The following RSPH14 variants were observed in gnomAD, a reference collection of about 807,000 sequenced individuals.
RSPH14 encodes the protein radial spoke head 14 homolog, also known as rhabdoid tumor deletion region gene 1.
RSPH14 carries 20 observed loss-of-function variants against 26.7 expected under a neutral mutation model. That is an observed-to-expected ratio of 0.75 (90% CI 0.53 to 1.09). The LOEUF is 1.09. RSPH14 is among the 50% of genes least tolerant of loss of function. The pLI, the probability that RSPH14 is intolerant of heterozygous loss-of-function variation, is 0.00. For synonymous variants in RSPH14, 177 were observed against 189.3 expected (o/e 0.93, Z 0.53); for missense variants, 449 against 457.2 (o/e 0.98, Z 0.16).
chr22:23,165,371 C>A, the RSPH14 span, among the ~76,000 whole-genome samples: 1 of 152,210 alleles, frequency 6.6e-6, no homozygotes, highest in African/African-American at 2.4e-5. Flanking sequence ...CACTTGCAAA[C>A]CCCAGTCCTG....
intron 4 of RSPH14, chr22:23,070,858 A>G (rs1283136082): frequency 6.6e-6 from 1 of 151,898 alleles, no homozygotes; most frequent in Non-Finnish European, 1.5e-5. Context: ...GGGAGGGTGG[A>G]CAGAGGGCGC....
the RSPH14 span, among the ~76,000 whole-genome samples, chr22:23,178,617 C>T: frequency 6.6e-6 from 1 of 152,220 alleles, no homozygotes; most frequent in Non-Finnish European, 1.5e-5. Context: ...TTAGCAAGGC[C>T]TGCAGAGGGC....
intron 4 of RSPH14, among the ~76,000 whole-genome samples, chr22:23,114,932 G>A (rs2069780265): frequency 1.3e-5 from 2 of 152,220 alleles, no homozygotes; most frequent in African/African-American, 2.4e-5. Context: ...AGTGGGGACT[G>A]CCATGAAGGC....
At chr22:23,135,315 T>TAAAAAA (rs2070450752) in intron 3 of RSPH14, among the ~76,000 whole-genome samples, 1 of 63,718 alleles carries the variant, frequency 1.6e-5, no homozygotes, top group East Asian at 7.9e-4. Context: ...GTACTAAAAA[T>TAAAAAA]ACAAAAAAAA....
chr22:23,082,030 C>T (rs1036304093), intron 4 of RSPH14, among the ~76,000 whole-genome samples: 1 of 148,566 alleles, frequency 6.7e-6, no homozygotes, highest in Non-Finnish European at 1.5e-5. Flanking sequence ...GAGGCTGAGG[C>T]AGGAGAATGG....
chr22:23,155,411 T>C, the RSPH14 span, among the ~76,000 whole-genome samples: 1 of 152,176 alleles, frequency 6.6e-6, no homozygotes, highest in Admixed American at 6.5e-5. Flanking sequence ...TCTAATTTCT[T>C]CTCACTACTG....
At position 23,087,646 on chromosome 22, in the gene RSPH14, A is replaced by C. The variant is rs1452719776; in HGVS notation, c.422-23513T>G. On this transcript the variant is annotated intron_variant, in intron 4 of 6. Transcript: ENST00000216036. ...CATTCAGGAAGCAAAGTTTTTAAGG[A>C]TAACTTGGTGGATGGGGGGTAGCCA... 2.0e-5 allele frequency among the ~76,000 whole-genome samples: 3 copies of C among 152,318 alleles called. No homozygotes were observed. The East Asian group carries it at 5.8e-4, about 29-fold the overall frequency.
At chr22:23,175,450 T>A in the RSPH14 span, among the ~76,000 whole-genome samples, 2 of 152,032 alleles carry the variant, frequency 1.3e-5, no homozygotes, top group African/African-American at 2.4e-5. Flanking sequence ...TCCAAGCAAT[T>A]CTCCAGCCTC....
chr22:23,084,876 C>T (rs2068775546), intron 4 of RSPH14, among the ~76,000 whole-genome samples: 5 of 152,294 alleles, frequency 3.3e-5, no homozygotes, highest in South Asian at 4.1e-4. Context: ...GCACTGTCTG[C>T]GGTTTTGTGG....
chr22:23,088,327 A>G (rs957817213), intron 4 of RSPH14, among the ~76,000 whole-genome samples: 1 of 151,764 alleles, frequency 6.6e-6, no homozygotes, highest in Non-Finnish European at 1.5e-5. Context: ...AGCCTTACCC[A>G]CTCTGCCCCA....
the RSPH14 span, among the ~76,000 whole-genome samples, chr22:23,177,860 G>A: frequency 1.3e-5 from 2 of 152,040 alleles, no homozygotes; most frequent in Non-Finnish European, 2.9e-5. Context: ...GTGCAGTGGC[G>A]TGATCCTAGC....
upstream of RSPH14, among the ~76,000 whole-genome samples, chr22:23,147,279 ATAT>A (rs985386029): frequency 1.3e-5 from 2 of 152,162 alleles, no homozygotes; most frequent in African/African-American, 4.8e-5. Context: ...GCAGTGGACA[ATAT>A]TTACCAATAT....
upstream of RSPH14, chr22:23,146,509 G>T (rs2070781869): frequency 2.0e-6 from 3 of 1,507,214 alleles, no homozygotes; most frequent in South Asian, 2.5e-5. Flanking sequence ...ACTGCACCCA[G>T]CCTGGATCTG....
chr22:23,178,935 T>G, the RSPH14 span, among the ~76,000 whole-genome samples: 1 of 151,544 alleles, frequency 6.6e-6, no homozygotes, highest in Non-Finnish European at 1.5e-5. Context: ...GAGCAGGGAG[T>G]CTGATGAGCA....
At chr22:23,175,405 G>C in the RSPH14 span, among the ~76,000 whole-genome samples, 1 of 152,046 alleles carries the variant, frequency 6.6e-6, no homozygotes, top group Non-Finnish European at 1.5e-5. Flanking sequence ...GTGCAGTGGC[G>C]TAATCTCCCC....
rs569668121 is a variant in RSPH14 at position 23,096,376 on chromosome 22, G to A, written c.422-32243C>T. 5.6e-6 allele frequency: 9 copies of A among 1,612,536 alleles called. No individual in the cohort carries two copies. The African/African-American group carries it at 1.1e-4, about 19-fold the overall frequency. On this transcript the variant is annotated intron_variant, in intron 4 of 6. Transcript: ENST00000216036. ...TCACAGCCATCATCTTCTGTGTGGA[G>A]CTCAGCGGCTACGACCTGAAACTCT...
chr22:23,093,630 G>A (rs529623254), intron 4 of RSPH14, among the ~76,000 whole-genome samples: 39 of 152,328 alleles, frequency 2.6e-4, no homozygotes, highest in African/African-American at 7.2e-4. Context: ...TGTGCTGGAC[G>A]CTTTACTCTT....
chr22:23,074,263 C>T (rs2068452712), intron 4 of RSPH14, among the ~76,000 whole-genome samples: 1 of 152,136 alleles, frequency 6.6e-6, no homozygotes, highest in Non-Finnish European at 1.5e-5. Context: ...GGCTGGGGGC[C>T]ATGAGGGGCT....
the RSPH14 span, chr22:23,152,671 AAG>A: frequency 6.3e-6 from 5 of 796,112 alleles, no homozygotes; most frequent in East Asian, 1.3e-4. Flanking sequence ...GGAGCCGGAT[AAG>A]AGGGGGTGCA....
Sources: allele counts gnomAD v4.1 joint callset (sites outside exome capture counted in the v4.1 genomes callset), GRCh38; gene constraint gnomAD v4.1.1; transcripts MANE v1.5; gene names NCBI Gene and HGNC (gene_info 2026-07-23, HGNC 2026-07-21).